Variants in GALNT13 observed in about 807,000 individuals in gnomAD.
GALNT13 encodes polypeptide N-acetylgalactosaminyltransferase 13, also known as UDP-GalNAc:polypeptide N-acetylgalactosaminyltransferase 13.
In GALNT13, 28 loss-of-function variants were observed where a neutral mutation model predicts 64.2. The ratio of observed to expected loss-of-function variants is 0.44; its 90% CI spans 0.32 to 0.60. GALNT13 has a LOEUF of 0.60. GALNT13 is among the 20% of genes least tolerant of loss of function. The pLI, the probability that GALNT13 is intolerant of heterozygous loss-of-function variation, is 0.05. For missense variants in GALNT13, 577 were observed against 669.8 expected (o/e 0.86, Z 1.53); for synonymous variants, 214 against 224.6 (o/e 0.95, Z 0.42).
chr2:153,122,040 T>C, the GALNT13 span, among the ~76,000 whole-genome samples: 2 of 152,226 alleles, frequency 1.3e-5, no homozygotes, highest in East Asian at 1.9e-4. Flanking sequence ...AGTCTTGTCA[T>C]GTGTGTATAG....
the GALNT13 span, among the ~76,000 whole-genome samples, chr2:153,368,109 A>G: frequency 2.0e-5 from 3 of 152,244 alleles, no homozygotes; most frequent in East Asian, 1.9e-4. Context: ...GTTAAGAGTA[A>G]AATAATGGAG....
chr2:154,195,808 C>CA (rs372968694), intron 4 of GALNT13, among the ~76,000 whole-genome samples: 8 of 152,278 alleles, frequency 5.3e-5, no homozygotes, highest in African/African-American at 1.9e-4. Context: ...CCTGCACAGC[C>CA]AAGCACTTGC....
the GALNT13 span, among the ~76,000 whole-genome samples, chr2:153,237,188 C>T: frequency 7.9e-5 from 12 of 151,954 alleles, 1 homozygote; most frequent in African/African-American, 2.7e-4. Flanking sequence ...AAATAAAATA[C>T]GTTTTTCCTC....
At chr2:153,263,295 A>G in the GALNT13 span, among the ~76,000 whole-genome samples, 1 of 152,164 alleles carries the variant, frequency 6.6e-6, no homozygotes, top group Non-Finnish European at 1.5e-5. Flanking sequence ...GAAATCAGAG[A>G]AAACACAAAC....
the GALNT13 span, among the ~76,000 whole-genome samples, chr2:153,213,114 G>T: frequency 6.6e-6 from 1 of 152,144 alleles, no homozygotes; most frequent in Non-Finnish European, 1.5e-5. Flanking sequence ...TGCCCTATTT[G>T]CAAGCTAACA....
intron 12 of GALNT13, 63 bp from the exon 13 acceptor site, chr2:154,450,348 T>A (rs1168937948): frequency 3.5e-6 from 5 of 1,422,398 alleles, no homozygotes; most frequent in Non-Finnish European, 4.8e-6. Flanking sequence ...ACAGATTTTA[T>A]CTGATGTGCT....
chr2:153,888,346 G>A (rs906163552), intron 1 of GALNT13, among the ~76,000 whole-genome samples: 5 of 151,924 alleles, frequency 3.3e-5, no homozygotes, highest in African/African-American at 1.2e-4. Context: ...TTTAAAAATG[G>A]TGGTACAGAA....
intron 3 of GALNT13, among the ~76,000 whole-genome samples, chr2:154,060,764 G>T (rs1700137869): frequency 6.6e-6 from 1 of 152,022 alleles, no homozygotes; most frequent in Non-Finnish European, 1.5e-5. Context: ...ACCTAATGGG[G>T]CTCACACATG....
At chr2:153,506,462 C>G in the GALNT13 span, among the ~76,000 whole-genome samples, 2 of 152,062 alleles carry the variant, frequency 1.3e-5, no homozygotes, top group East Asian at 3.9e-4. Flanking sequence ...TAAGTAGGGT[C>G]TATTTTGCTG....
the GALNT13 span, among the ~76,000 whole-genome samples, chr2:153,417,185 A>G: frequency 2.0e-5 from 3 of 152,212 alleles, no homozygotes; most frequent in Non-Finnish European, 4.4e-5. Flanking sequence ...GAGAATGCCA[A>G]TAATGTTCCA....
At chr2:153,112,466 T>TG in the GALNT13 span, among the ~76,000 whole-genome samples, 1 of 152,070 alleles carries the variant, frequency 6.6e-6, no homozygotes, top group African/African-American at 2.4e-5. Flanking sequence ...TGGTAGTAAC[T>TG]GACATTTTAG....
intron 3 of GALNT13, among the ~76,000 whole-genome samples, chr2:153,951,991 T>C (rs990536333): frequency 6.6e-6 from 1 of 152,130 alleles, no homozygotes; most frequent in African/African-American, 2.4e-5. Context: ...CTATTTGTTT[T>C]TCTGTTTTTT....
At chr2:153,492,227 A>C in the GALNT13 span, among the ~76,000 whole-genome samples, 3 of 152,186 alleles carry the variant, frequency 2.0e-5, no homozygotes, top group Non-Finnish European at 4.4e-5. Context: ...GTCTAAAACA[A>C]GTGGAGGTGA....
the GALNT13 span, among the ~76,000 whole-genome samples, chr2:153,198,781 G>C: frequency 6.6e-6 from 1 of 152,136 alleles, no homozygotes; most frequent in African/African-American, 2.4e-5. Context: ...GGTGATTGAA[G>C]ATATCACCTT....
At chr2:153,650,657 C>G in the GALNT13 span, among the ~76,000 whole-genome samples, 1 of 152,064 alleles carries the variant, frequency 6.6e-6, no homozygotes, top group Admixed American at 6.6e-5. Context: ...TAGGGCAGGC[C>G]TGGTGGTGAC....
chr2:153,337,780 T>C, the GALNT13 span: 2 of 152,206 alleles, frequency 1.3e-5, no homozygotes, highest in Non-Finnish European at 2.9e-5. Flanking sequence ...GCTGCTGCAA[T>C]GTAAGTTGAT....
intron 4 of GALNT13, among the ~76,000 whole-genome samples, chr2:154,200,199 C>G (rs1687097621): frequency 6.6e-6 from 1 of 151,922 alleles, no homozygotes. Flanking sequence ...TTTGCATATT[C>G]AAGTCAGTCC....
chr2:153,564,729 C>T, the GALNT13 span, among the ~76,000 whole-genome samples: 1 of 151,954 alleles, frequency 6.6e-6, no homozygotes, highest in East Asian at 1.9e-4. Flanking sequence ...TACAAAATTA[C>T]TATCATACAG....
chr2:153,839,335 T>C, the GALNT13 span, among the ~76,000 whole-genome samples: 1 of 151,878 alleles, frequency 6.6e-6, no homozygotes, highest in Non-Finnish European at 1.5e-5. Context: ...ATATTTTGTT[T>C]CTGATTTTAG....
Sources: gnomAD v4.1 joint callset for allele counts (sites outside exome capture counted in the v4.1 genomes callset) on GRCh38, gnomAD v4.1.1 for gene constraint, MANE v1.5 for transcripts, NCBI Gene and HGNC (gene_info 2026-07-23, HGNC 2026-07-21) for gene names.